The following CLIC2 variants were observed in gnomAD, a reference collection of about 807,000 sequenced individuals.
CLIC2 encodes CLIC family member 2.
CLIC2 carries 9 observed loss-of-function variants against 14.8 expected under a neutral mutation model. The observed-to-expected ratio is 0.61, with a 90% CI of 0.37 to 1.06. The LOEUF (loss-of-function observed/expected upper bound fraction) is 1.06, where lower values mean the gene tolerates loss of function less well. Among genes scored for constraint, CLIC2 ranks in the 50% least tolerant of loss-of-function variants. The probability of loss-of-function intolerance (pLI) is 0.01; values close to 1 mark genes in which losing one functional copy is unlikely to be tolerated. For missense variants in CLIC2, 148 were observed against 181.4 expected, an observed-to-expected ratio of 0.82 and a Z score of 1.06; for synonymous variants, 61 against 66.3, an observed-to-expected ratio of 0.92 and a Z score of 0.39.
chrX:155,299,460 C>T (rs1159907641), intron 1 of CLIC2, among the ~76,000 whole-genome samples: 1 of 111,120 alleles, frequency 9.0e-6, no homozygotes, highest in Admixed American at 9.5e-5. Context: ...CATTTCTGGG[C>T]ATATAGCTTC....
At chrX:155,320,285 C>T (rs964899043) in intron 1 of CLIC2, among the ~76,000 whole-genome samples, 26 of 112,149 alleles carry the variant, frequency 2.3e-4, no homozygotes, top group African/African-American at 8.4e-4. Context: ...CTGCAGGGGT[C>T]GACAGACCCC....
intron 1 of CLIC2, among the ~76,000 whole-genome samples, chrX:155,299,796 A>C (rs1393198818): frequency 2.3e-5 from 2 of 88,623 alleles, no homozygotes; most frequent in Non-Finnish European, 4.2e-5. Flanking sequence ...CTCATTGTTC[A>C]ATTCCCACCT....
At chrX:155,309,944 C>T (rs901547591) in intron 1 of CLIC2, among the ~76,000 whole-genome samples, 2 of 112,133 alleles carry the variant, frequency 1.8e-5, no homozygotes, top group African/African-American at 6.5e-5. Context: ...TTAGCATTTA[C>T]TCAAAAGTCC....
intron 1 of CLIC2, among the ~76,000 whole-genome samples, chrX:155,305,233 C>T (rs1311398882): frequency 2.0e-4 from 22 of 112,281 alleles, no homozygotes; most frequent in Admixed American, 1.5e-3. Flanking sequence ...ATCAGCGAGA[C>T]TCCGTGGGCG....
At chrX:155,300,026 G>A (rs375295891) in intron 1 of CLIC2, among the ~76,000 whole-genome samples, 5 of 109,049 alleles carry the variant, frequency 4.6e-5, no homozygotes, top group Non-Finnish European at 7.6e-5. Context: ...GAATAATGCC[G>A]CAATAAACAT....
At chrX:155,305,164 C>T (rs1349745385) in intron 1 of CLIC2, among the ~76,000 whole-genome samples, 9 of 112,037 alleles carry the variant, frequency 8.0e-5, no homozygotes, top group African/African-American at 2.3e-4. Context: ...CAATGGCGGG[C>T]GCCCCTCCCC....
At chrX:155,297,884 A>AAAAAAAAAAAAAGAAG (rs1557318527) in intron 3 of CLIC2, among the ~76,000 whole-genome samples, 7 of 45,215 alleles carry the variant, frequency 1.5e-4, no homozygotes, top group Non-Finnish European at 1.9e-4. Context: ...AAAAAAAAAA[A>AAAAAAAAAAAAAGAAG]AAGAAGGTGA....
intron 3 of CLIC2, among the ~76,000 whole-genome samples, chrX:155,297,673 T>C (rs2074997025): frequency 1.1e-5 from 1 of 91,587 alleles, no homozygotes; most frequent in South Asian, 5.7e-4. Flanking sequence ...AAACCTCATC[T>C]CTACTAAAAT....
rs782384932 is a variant in CLIC2, at chrX:155,277,882, T to C, written c.*21A>G. The C allele has an allele frequency of 1.7e-6, 2 of 1,188,415 alleles. No homozygotes were observed. Among genetic ancestry groups the C allele is most frequent in the South Asian group, 3.6e-5 (2 of 56,325 alleles). On this transcript the variant is annotated 3_prime_UTR_variant, in exon 6 of 6. Coordinates refer to ENST00000369449, the MANE Select transcript of CLIC2 (RefSeq NM_001289.6). Reference sequence around the variant, plus strand: ...GTAAAATCTGATCACAAATATAGCCTTGTCTCCTGTAAGAGCTCTCCTAAC... The same window carrying C: ...GTAAAATCTGATCACAAATATAGCCCTGTCTCCTGTAAGAGCTCTCCTAAC...
At chrX:155,299,999 C>T (rs367696899) in intron 1 of CLIC2, among the ~76,000 whole-genome samples, 1 of 109,512 alleles carries the variant, frequency 9.1e-6, no homozygotes, top group Non-Finnish European at 1.9e-5. Flanking sequence ...GGGTTGGTTC[C>T]AAGTCTTTGC....
intron 4 of CLIC2, 49 bp downstream of exon 4, chrX:155,279,913 G>A (rs1557316235): frequency 1.1e-6 from 1 of 883,566 alleles, no homozygotes. Flanking sequence ...TGCTGAGTGA[G>A]AAGATGAAGA....
At chrX:155,305,436 C>T (rs898368218) in intron 1 of CLIC2, among the ~76,000 whole-genome samples, 1 of 112,393 alleles carries the variant, frequency 8.9e-6, no homozygotes, top group Non-Finnish European at 1.9e-5. Context: ...CTTCGGCTCG[C>T]GCACGGTGCA....
intron 3 of CLIC2, among the ~76,000 whole-genome samples, chrX:155,286,773 T>G (rs192973639): frequency 8.9e-6 from 1 of 112,714 alleles, no homozygotes; most frequent in East Asian, 2.8e-4. Flanking sequence ...TTGCCCCATG[T>G]ATGTCTGTTC....
At chrX:155,313,713 T>G (rs1285262604) in intron 1 of CLIC2, among the ~76,000 whole-genome samples, 4 of 111,949 alleles carry the variant, frequency 3.6e-5, no homozygotes, top group Non-Finnish European at 7.5e-5. Context: ...ACTGGAGCAC[T>G]GCTGCATGCT....
chrX:155,291,145 C>A, intron 3 of CLIC2: 1 of 1,012,424 alleles, frequency 9.9e-7, no homozygotes, highest in Non-Finnish European at 1.4e-6. Flanking sequence ...TATCCCTGGG[C>A]ATTCTGAGAA....
At chrX:155,300,360 C>T (rs1286707965) in intron 1 of CLIC2, among the ~76,000 whole-genome samples, 2 of 110,433 alleles carry the variant, frequency 1.8e-5, no homozygotes, top group Non-Finnish European at 3.8e-5. Flanking sequence ...TGTTTTTTGG[C>T]TGCATAAATG....
intron 1 of CLIC2, among the ~76,000 whole-genome samples, chrX:155,323,232 A>G (rs192519729): frequency 6.3e-5 from 7 of 111,895 alleles, no homozygotes; most frequent in Non-Finnish European, 9.4e-5. Flanking sequence ...ACACACAAAA[A>G]GAAAATTTCA....
chrX:155,285,955 G>GC (rs782342623), intron 3 of CLIC2, among the ~76,000 whole-genome samples: 5 of 108,529 alleles, frequency 4.6e-5, no homozygotes, highest in East Asian at 2.9e-4. Context: ...GAAAGAGGAG[G>GC]CCCCCCAAAA....
intron 1 of CLIC2, among the ~76,000 whole-genome samples, chrX:155,317,955 C>T (rs1056037055): frequency 8.9e-6 from 1 of 111,838 alleles, no homozygotes; most frequent in Non-Finnish European, 1.9e-5. Context: ...AAACAAAAAT[C>T]ACATGATCAT....
Sources: gnomAD v4.1 joint callset for allele counts (sites outside exome capture counted in the v4.1 genomes callset) on GRCh38, gnomAD v4.1.1 for gene constraint, MANE v1.5 for transcripts, NCBI Gene and HGNC (gene_info 2026-07-23, HGNC 2026-07-21) for gene names.